Variants in AATF observed in about 807,000 individuals in gnomAD.
AATF encodes the protein apoptosis antagonizing transcription factor, also known as protein AATF.
AATF carries 48 observed loss-of-function variants against 63.7 expected under a neutral mutation model. The ratio of observed to expected loss-of-function variants is 0.75; its 90% CI spans 0.60 to 0.96. The LOEUF (loss-of-function observed/expected upper bound fraction) is 0.96, where lower values mean the gene tolerates loss of function less well. Ranked by LOEUF, AATF falls within the 40% of genes least tolerant of loss-of-function variation. AATF has a pLI of 0.00. For missense variants in AATF, 639 were observed against 685.7 expected (o/e 0.93, Z 0.76); for synonymous variants, 258 against 247.7 (o/e 1.04, Z -0.39).
In AATF at chr17:36,972,886, C is replaced by T. The variant is rs574245823; in HGVS notation, c.833-13731C>T. 8.5e-5 allele frequency among the ~76,000 whole-genome samples: 13 copies of T among 152,162 alleles called. No homozygotes were observed. The East Asian group carries it at 2.3e-3, about 27-fold the overall frequency. On this transcript the variant is annotated intron_variant, in intron 4 of 11. Transcript: ENST00000619387. ...TATTCTTTCTGTCTCTTGGAAGACT[C>T]GGGATTCTGTCTTTTTTAGGGTCTT...
rs2071189148 is a variant in AATF at position 36,988,700 on chromosome 17, G to C, written c.1129G>C (p.Ala377Pro). The change falls in exon 6 of 12, where the codon GCT (alanine) becomes CCT (proline). Residue 377 changes from alanine (A) to proline (P), a missense_variant. Coordinates refer to ENST00000619387, the MANE Select transcript of AATF (RefSeq NM_012138.4). ...GAAATGGCACGATAAGACCAAACTG[G>C]CTTCTGGAAAACTGGGGAAGGCAAG... ...LQKWHDKTKL[A>P]SGKLGKGFGA... 9 of 1,613,776 alleles carry C rather than the reference G, an allele frequency of 5.6e-6. No individual in the cohort carries two copies. The highest frequency in any genetic ancestry group is 7.6e-6 in the Non-Finnish European group (9 of 1,179,926).
chr17:36,965,774 T>C (rs2070986761), intron 4 of AATF, among the ~76,000 whole-genome samples: 1 of 152,186 alleles, frequency 6.6e-6, no homozygotes. Context: ...CAATCATGGC[T>C]CACTGCAGCC....
chr17:37,002,975 C>T (rs766539581), intron 8 of AATF, among the ~76,000 whole-genome samples: 2 of 145,276 alleles, frequency 1.4e-5, no homozygotes, highest in Non-Finnish European at 3.0e-5. Flanking sequence ...TGTAAGGACC[C>T]AAAATAGCCA....
At chr17:37,030,485 G>A (rs1597733077) in intron 10 of AATF, among the ~76,000 whole-genome samples, 1 of 152,246 alleles carries the variant, frequency 6.6e-6, no homozygotes. Context: ...ACATTATAAT[G>A]AGTAGAAAAG....
chr17:37,002,491 C>A (rs2071307150), intron 8 of AATF, among the ~76,000 whole-genome samples: 1 of 151,154 alleles, frequency 6.6e-6, no homozygotes, highest in Non-Finnish European at 1.5e-5. Context: ...CACGGTGAAA[C>A]CCTGTCTCTA....
intron 4 of AATF, among the ~76,000 whole-genome samples, chr17:36,984,271 A>C (rs576833788): frequency 3.9e-5 from 6 of 152,246 alleles, no homozygotes; most frequent in Non-Finnish European, 8.8e-5. Context: ...TAAATGGGCA[A>C]TTATTAGTGA....
At chr17:37,027,705 A>AT (rs1263934379) in intron 10 of AATF, among the ~76,000 whole-genome samples, 3 of 151,900 alleles carry the variant, frequency 2.0e-5, no homozygotes, top group African/African-American at 4.8e-5. Context: ...AGTGATATGT[A>AT]TTTTTTTTGT....
At chr17:37,004,095 C>T (rs1258180081) in intron 8 of AATF, among the ~76,000 whole-genome samples, 3 of 151,280 alleles carry the variant, frequency 2.0e-5, no homozygotes, top group East Asian at 2.0e-4. Context: ...TTTGGGAGGC[C>T]GAGGCAGGTG....
At chr17:37,000,696 A>G (rs187112463) in intron 8 of AATF, among the ~76,000 whole-genome samples, 46 of 152,344 alleles carry the variant, frequency 3.0e-4, no homozygotes, top group Non-Finnish European at 5.6e-4. Context: ...GGCAGAGAGA[A>G]AAAGAGATTC....
chr17:37,032,311 T>G (rs879918249), intron 11 of AATF, among the ~76,000 whole-genome samples: 4 of 152,224 alleles, frequency 2.6e-5, no homozygotes, highest in Non-Finnish European at 4.4e-5. Flanking sequence ...TTTCCTATTT[T>G]ATTCAATGAG....
intron 4 of AATF, among the ~76,000 whole-genome samples, chr17:36,975,578 A>T (rs971469586): frequency 1.3e-5 from 2 of 152,244 alleles, no homozygotes; most frequent in Non-Finnish European, 2.9e-5. Context: ...ATAAATGGAC[A>T]CTTAAGATGT....
At chr17:36,970,997 C>T (rs1188016877) in intron 4 of AATF, among the ~76,000 whole-genome samples, 2 of 151,952 alleles carry the variant, frequency 1.3e-5, no homozygotes, top group African/African-American at 4.8e-5. Flanking sequence ...TGGGAGAAAA[C>T]TCTATGTCAT....
intron 4 of AATF, among the ~76,000 whole-genome samples, chr17:36,960,878 C>T (rs2070941732): frequency 6.6e-6 from 1 of 152,090 alleles, no homozygotes; most frequent in Non-Finnish European, 1.5e-5. Context: ...TTTAAAATAG[C>T]TTCAGTGTTC....
At chr17:36,981,702 C>CTTTTTTTTTTTT (rs71368433) in intron 4 of AATF, among the ~76,000 whole-genome samples, 6 of 110,474 alleles carry the variant, frequency 5.4e-5, no homozygotes, top group East Asian at 5.1e-4. Context: ...TCTTTCTTTT[C>CTTTTTTTTTTTT]TTTTTTTTTT....
intron 8 of AATF, among the ~76,000 whole-genome samples, chr17:37,009,694 G>A (rs1171367672): frequency 6.6e-6 from 1 of 150,380 alleles, no homozygotes; most frequent in African/African-American, 2.5e-5. Flanking sequence ...GCGGGCGCCT[G>A]TAGTCCCAGC....
chr17:37,002,655 G>A lies in AATF; in HGVS notation c.1398+11798G>A, dbSNP rs147023928. 4.3e-3 allele frequency among the ~76,000 whole-genome samples: 651 copies of A among 149,910 alleles called. 1 individual carries two copies. The highest frequency in any genetic ancestry group is 0.015 in the African/African-American group (612 of 40,838). ...CCACTGCAGTCCAGCCTGGGTGAAA[G>A]AGCAAGACTCCATCTCAAAAAAAAA... On this transcript the variant is annotated intron_variant, in intron 8 of 11. Transcript: ENST00000619387.
chr17:37,031,204 A>G (rs971696538), intron 10 of AATF, among the ~76,000 whole-genome samples: 2 of 152,242 alleles, frequency 1.3e-5, no homozygotes, highest in Non-Finnish European at 2.9e-5. Context: ...CCTGTGAACA[A>G]GTGCAGACTT....
At chr17:36,975,685 A>G (rs1161841296) in intron 4 of AATF, among the ~76,000 whole-genome samples, 1 of 152,200 alleles carries the variant, frequency 6.6e-6, no homozygotes, top group Admixed American at 6.5e-5. Flanking sequence ...TTTCTAGAAG[A>G]ACAGTAGGTC....
At chr17:36,970,855 G>T (rs888391819) in intron 4 of AATF, among the ~76,000 whole-genome samples, 6 of 151,590 alleles carry the variant, frequency 4.0e-5, no homozygotes, top group Non-Finnish European at 8.8e-5. Context: ...AACAAATGGT[G>T]CTGGGACAAT....
Sources: allele counts gnomAD v4.1 joint callset (sites outside exome capture counted in the v4.1 genomes callset), GRCh38; gene constraint gnomAD v4.1.1; transcripts MANE v1.5; gene names NCBI Gene and HGNC (gene_info 2026-07-23, HGNC 2026-07-21).